The following RAD17 variants were observed in gnomAD, a reference collection of about 807,000 sequenced individuals.
The protein encoded by RAD17 is cell cycle checkpoint protein RAD17.
Under a neutral mutation model 81.5 loss-of-function variants are expected in RAD17, and 31 were observed. That is an observed-to-expected ratio of 0.38 (90% CI 0.29 to 0.51). The LOEUF (loss-of-function observed/expected upper bound fraction) is 0.51, where lower values mean the gene tolerates loss of function less well. Ranked by LOEUF, RAD17 falls within the 20% of genes least tolerant of loss-of-function variation. The pLI is 0.88. For synonymous variants in RAD17, 261 were observed against 266.2 expected (o/e 0.98, Z 0.19); for missense variants, 681 against 781.2 (o/e 0.87, Z 1.53).
chr5:69,399,868 G>A (rs187269255), intron 16 of RAD17, among the ~76,000 whole-genome samples, 181 bp from the exon 17 acceptor site: 161 of 151,800 alleles, frequency 1.1e-3, no homozygotes, highest in African/African-American at 3.7e-3. Flanking sequence ...TTTATTAAAC[G>A]ATGCTAAAAA....
chr5:69,410,639 A>T, intron 18 of RAD17, 89 bp downstream of exon 18: 1 of 1,224,280 alleles, frequency 8.2e-7, no homozygotes, highest in Non-Finnish European at 1.2e-6. Flanking sequence ...TACCTGTAAC[A>T]TCCAAGAAAG....
At position 69,414,251 on chromosome 5, in the gene RAD17, G is replaced by C; in HGVS notation, c.1972G>C (p.Glu658Gln). 1 of 1,614,152 alleles carries C rather than the reference G, an allele frequency of 6.2e-7. No homozygotes were observed. The highest frequency in any genetic ancestry group is 8.5e-7 in the Non-Finnish European group (1 of 1,179,980). ...CTTTTCAGCCCAAGGAGACATGGAA[G>C]AAAACATAATAATAGAAGACTACGA... ...QPFSAQGDME[E>Q]NIIIEDYESD... Residue 658 changes from glutamate (E) to glutamine (Q), a missense_variant, in exon 19 of 19, where the codon GAA becomes CAA. Transcript: ENST00000354868.
At chr5:69,403,694 A>G (rs1055098692) in intron 17 of RAD17, among the ~76,000 whole-genome samples, 2 of 152,146 alleles carry the variant, frequency 1.3e-5, no homozygotes, top group Admixed American at 1.3e-4. Flanking sequence ...CCAAGGTGGG[A>G]AGATCGCTTG....
Position 69,373,709 on chromosome 5 carries a change from TTTTTTTTA to T in RAD17, c.10-120_10-113del, listed in dbSNP as rs1163633384. The T allele has an allele frequency of 4.2e-3, 2,253 of 534,852 alleles. 45 individuals carry two copies. Among genetic ancestry groups the T allele is most frequent in the Middle Eastern group, 9.1e-3 (14 of 1,540 alleles). The allele number at this position is 534,852 out of a possible 1,614,324, so 33.1% of individuals were successfully genotyped here. The stretch of plus-strand genomic sequence containing the variant: ...AAATTTTTTTTTTTTTTTTTTTTTT[TTTTTTTTA>T]AGTTTTAAAGGTTATAAATATATGA... On this transcript the variant is annotated intron_variant, in intron 4 of 18. Coordinates refer to ENST00000354868, the MANE Select transcript of RAD17 (RefSeq NM_133338.3).
rs1052325908 is a variant in RAD17 at position 69,413,952 on chromosome 5, C to T, written c.1752-79C>T. 28 of 1,509,956 alleles carry T rather than the reference C, an allele frequency of 1.9e-5. No individual in the cohort carries two copies. The Admixed American group carries it at 3.3e-4, about 18-fold the overall frequency. The allele number at this position is 1,509,956 out of a possible 1,614,324, so 93.5% of individuals were successfully genotyped here. A position where few individuals can be genotyped will look rare whatever the true frequency, so the allele number is the denominator to read the frequency against. ...AATGTAGGTAAATGAAAGATGGCTT[C>T]ATAATCATCACACTCATGGTGTAAT... On this transcript the variant is annotated intron_variant, in intron 18 of 18. Coordinates refer to ENST00000354868, the MANE Select transcript of RAD17 (RefSeq NM_133338.3).
chr5:69,373,639 C>T (rs1763143404), intron 4 of RAD17, among the ~76,000 whole-genome samples, 191 bp from the exon 5 acceptor site: 1 of 149,416 alleles, frequency 6.7e-6, no homozygotes, highest in African/African-American at 2.5e-5. Flanking sequence ...GAGATTATAC[C>T]ACTGCAGTCC....
chr5:69,399,959 G>A lies in RAD17; in HGVS notation c.1573-90G>A, dbSNP rs962301824. The A allele has an allele frequency of 4.9e-6, 4 of 808,732 alleles. No individual in the cohort carries two copies. In the African/African-American group the frequency reaches 5.2e-5, roughly 11 times the overall value. 50.1% of individuals were successfully genotyped at this position (808,732 alleles called of 1,614,324 possible). On this transcript the variant is annotated intron_variant, in intron 16 of 18. Coordinates refer to ENST00000354868, the MANE Select transcript of RAD17 (RefSeq NM_133338.3). The stretch of plus-strand genomic sequence containing the variant: ...CCACAAGTTAATATAAACTTATTGT[G>A]TAAGTTTATATAATAAACTTAGTTT...
intron 18 of RAD17, among the ~76,000 whole-genome samples, chr5:69,412,087 G>A (rs544702201): frequency 6.6e-6 from 1 of 152,196 alleles, no homozygotes; most frequent in East Asian, 1.9e-4. Flanking sequence ...CTGCCGAGTA[G>A]CTGGGACTAC....
At chr5:69,377,304 C>T (rs976015761) in intron 6 of RAD17, among the ~76,000 whole-genome samples, 1 of 150,590 alleles carries the variant, frequency 6.6e-6, no homozygotes, top group African/African-American at 2.4e-5. Flanking sequence ...TTTTATTTTT[C>T]AGTGTCCATT....
At chr5:69,392,215 A>T (rs533799470) in intron 13 of RAD17, among the ~76,000 whole-genome samples, 1 of 152,198 alleles carries the variant, frequency 6.6e-6, no homozygotes, top group East Asian at 1.9e-4. Context: ...AAGTAAAAAC[A>T]TGCAATTGCA....
chr5:69,384,649 C>A, intron 7 of RAD17, 148 bp from the exon 8 acceptor site: 1 of 740,820 alleles, frequency 1.3e-6, no homozygotes, highest in Non-Finnish European at 2.0e-6. Context: ...AAGGAATATC[C>A]TATTTTAAAT....
Position 69,403,490 on chromosome 5 carries a change from C to T in RAD17, c.1693+3321C>T, listed in dbSNP as rs1765399810. ...TCCACTGCATAAACGTTATTTTTGCCTATGAATACACAACATTTTAAACAC... is the reference window on the plus strand; with the variant it reads ...TCCACTGCATAAACGTTATTTTTGCTTATGAATACACAACATTTTAAACAC... On this transcript the variant is annotated intron_variant, in intron 17 of 18. Transcript: ENST00000354868. Among the ~76,000 whole-genome samples, 3 of 152,150 alleles carry T rather than the reference C, an allele frequency of 2.0e-5. No individual in the cohort carries two copies. The South Asian group carries it at 6.2e-4, about 32-fold the overall frequency.
rs1437311363 is a variant in RAD17, at chr5:69,373,848, C to A, written c.28C>A (p.Pro10Thr). 6.2e-7 allele frequency: 1 copy of A among 1,607,648 alleles called. No individual in the cohort carries two copies. The highest frequency in any genetic ancestry group is 1.1e-5 in the South Asian group (1 of 90,190). The change falls in exon 5 of 19, where the codon CCA becomes ACA. Residue 10 changes from proline to threonine, a missense_variant. By Grantham distance (38) the Pro-to-Thr change is conservative (BLOSUM62 -1). Transcript: ENST00000354868. MNQVTDWVDPSFDDFLECSG... is the reference protein window; with the variant it reads MNQVTDWVDTSFDDFLECSG... ...TTTTCAGGTAACAGACTGGGTTGAC[C>A]CATCATTTGATGATTTTCTAGAGTG...
chr5:69,408,410 A>AT (rs975222393), intron 17 of RAD17, among the ~76,000 whole-genome samples: 7 of 146,956 alleles, frequency 4.8e-5, no homozygotes, highest in Non-Finnish European at 9.0e-5. Flanking sequence ...ACTTGGGATG[A>AT]TGGTGGTTTT....
At chr5:69,397,153 A>AT (rs1313791907) in intron 16 of RAD17, among the ~76,000 whole-genome samples, 2 of 149,808 alleles carry the variant, frequency 1.3e-5, no homozygotes, top group Non-Finnish European at 3.0e-5. Flanking sequence ...TTTATTTTTT[A>AT]TTTTTATTCA....
At chr5:69,392,905 T>A in intron 13 of RAD17, 1 of 477,910 alleles carries the variant, frequency 2.1e-6, no homozygotes, top group Non-Finnish European at 3.8e-6. Context: ...GAAATGGGAG[T>A]GCATTAGGAA....
chr5:69,376,444 A>G (rs988221567), intron 6 of RAD17, among the ~76,000 whole-genome samples: 3 of 152,256 alleles, frequency 2.0e-5, no homozygotes, highest in Admixed American at 6.5e-5. Flanking sequence ...ATTTCCAACT[A>G]GAAAGGCAGG....
At chr5:69,393,740 C>CTG (rs367767459) in intron 15 of RAD17, among the ~76,000 whole-genome samples, 5 of 149,846 alleles carry the variant, frequency 3.3e-5, no homozygotes, top group South Asian at 2.1e-4. Flanking sequence ...TCTTTTTTTT[C>CTG]TGTGTGTGTG....
upstream of RAD17, chr5:69,369,428 C>A (rs776580412): frequency 1.2e-5 from 20 of 1,606,896 alleles, no homozygotes; most frequent in South Asian, 1.9e-4. Flanking sequence ...CCCCAGCCTG[C>A]CCCAGCCCAG....
Sources: gnomAD v4.1 joint callset for allele counts (sites outside exome capture counted in the v4.1 genomes callset) on GRCh38, gnomAD v4.1.1 for gene constraint, MANE v1.5 for transcripts, NCBI Gene and HGNC (gene_info 2026-07-23, HGNC 2026-07-21) for gene names.